ESPN: variants seen among roughly 807,000 people sequenced by gnomAD.
ESPN encodes the protein espin.
In ESPN, 68 loss-of-function variants were observed where a neutral mutation model predicts 77.7. The ratio of observed to expected loss-of-function variants is 0.87; its 90% CI spans 0.72 to 1.07. The LOEUF (loss-of-function observed/expected upper bound fraction) is 1.07, where lower values mean the gene tolerates loss of function less well. Ranked by LOEUF, ESPN falls within the 50% of genes least tolerant of loss-of-function variation. The pLI is 0.00. For synonymous variants in ESPN, 449 were observed against 567.1 expected (o/e 0.79, Z 2.96); for missense variants, 1,060 against 1,239.0 (o/e 0.86, Z 2.17).
Position 6,452,002 on chromosome 1 carries a change from A to G in ESPN, c.2231A>G (p.Asp744Gly), listed in dbSNP as rs746050111. ...LDVEALIPTH[D>G]EQGRPIPEWK... ...GTGGAGGCTCTCATCCCCACGCACG[A>G]TGAGCAGGGCCGGCCCATCCCCGAG... The change falls in exon 10 of 13, where the codon GAT becomes GGT. Residue 744 changes from aspartate to glycine, a missense_variant. Physicochemically the swap from Asp to Gly is moderately conservative, Grantham distance 94. Coordinates refer to ENST00000645284, the MANE Select transcript of ESPN (RefSeq NM_031475.3). The G allele has an allele frequency of 8.7e-6, 14 of 1,605,568 alleles. No homozygotes were observed. The highest frequency in any genetic ancestry group is 1.2e-5 in the Non-Finnish European group (14 of 1,175,886).
rs1483006947 is a variant in ESPN at position 6,428,839 on chromosome 1, CA to C, written c.488+421del. Among the ~76,000 whole-genome samples, 2 of 152,168 alleles carry C rather than the reference CA, an allele frequency of 1.3e-5. No homozygotes were observed. The highest frequency in any genetic ancestry group is 3.9e-4 in the East Asian group (2 of 5,188). Reference sequence around the variant, plus strand: ...GAGCGCCTCCTAGGCCCTAGTCAAACAGGCAGAAAGGGAACCCCATCAGTTA... The same window carrying C: ...GAGCGCCTCCTAGGCCCTAGTCAAACGGCAGAAAGGGAACCCCATCAGTTA... On this transcript the variant is annotated intron_variant, in intron 2 of 12. Transcript: ENST00000645284. This position sits in a 1 kb window ranked among gnomAD's most constrained non-coding sequence, Gnocchi z 5.4.
At chr1:6,445,125 T>G (rs1643782199) in intron 6 of ESPN, among the ~76,000 whole-genome samples, 1 of 152,022 alleles carries the variant, frequency 6.6e-6, no homozygotes, top group South Asian at 2.1e-4. Flanking sequence ...ACACACCATG[T>G]CCACAGAGCA....
chr1:6,449,016 C>T lies in ESPN; in HGVS notation c.1840C>T (p.Pro614Ser). The T allele has an allele frequency of 5.5e-6, 8 of 1,462,666 alleles. No individual in the cohort carries two copies. Among genetic ancestry groups the T allele is most frequent in the Non-Finnish European group, 7.2e-6 (8 of 1,113,764 alleles). The allele number at this position is 1,462,666 out of a possible 1,614,324, so 90.6% of individuals were successfully genotyped here. Reference sequence around the variant, plus strand: ...CCTGCCGGAGGCCGCGAGTTCGCCACCGCCGGCCCCGCCTCTGCCCCTCGA... The same window carrying T: ...CCTGCCGGAGGCCGCGAGTTCGCCATCGCCGGCCCCGCCTCTGCCCCTCGA... ...PPLPEAASSP[P>S]PAPPLPLESA... Residue 614 changes from proline to serine, a missense_variant, in exon 8 of 13, where the codon CCG becomes TCG. Pro to Ser is a moderately conservative substitution (Grantham distance 74). Coordinates refer to ENST00000645284, the MANE Select transcript of ESPN (RefSeq NM_031475.3).
intron 10 of ESPN, chr1:6,455,292 T>G: frequency 2.6e-6 from 1 of 387,502 alleles, no homozygotes; most frequent in Non-Finnish European, 4.6e-6. Context: ...CGTTTACCTC[T>G]TCCTGGAGCA....
intron 12 of ESPN, among the ~76,000 whole-genome samples, chr1:6,459,583 C>T (rs1010437222): frequency 6.6e-6 from 1 of 152,220 alleles, no homozygotes; most frequent in East Asian, 1.9e-4. Flanking sequence ...CTCAGTCCCT[C>T]TCTCAATTAT....
chr1:6,425,359 C>A, intron 1 of ESPN, 110 bp downstream of exon 1: 1 of 1,323,740 alleles, frequency 7.6e-7, no homozygotes, highest in Non-Finnish European at 1.0e-6. Context: ...CCTCCTGGCC[C>A]AGCTGAACCC....
At chr1:6,430,525 C>T (rs1223285412) in intron 2 of ESPN, among the ~76,000 whole-genome samples, 1 of 152,228 alleles carries the variant, frequency 6.6e-6, no homozygotes, top group East Asian at 1.9e-4. Context: ...GCCAAGTCTT[C>T]CCAGAAGCAG....
intron 2 of ESPN, among the ~76,000 whole-genome samples, chr1:6,429,525 C>T (rs1377528570): frequency 3.9e-5 from 6 of 152,104 alleles, no homozygotes; most frequent in African/African-American, 7.2e-5. Context: ...ACCCTCACGG[C>T]GGTGATTCTG....
At chr1:6,429,549 A>C (rs1643164912) in intron 2 of ESPN, among the ~76,000 whole-genome samples, 1 of 151,846 alleles carries the variant, frequency 6.6e-6, no homozygotes, top group Admixed American at 6.6e-5. Context: ...CACCTGTCCC[A>C]CCCCCTCACT....
Position 6,440,566 on chromosome 1 carries a change from C to CG in ESPN, c.676-57dup, listed in dbSNP as rs371548369. 820,467 of 829,326 alleles carry CG rather than the reference C, an allele frequency of 0.99. 406,089 individuals are homozygous for CG. Among genetic ancestry groups the CG allele is most frequent in the East Asian group, 1 (26,777 of 26,784 alleles). 51.4% of individuals were successfully genotyped at this position (829,326 alleles called of 1,614,324 possible). ...GGGCGGGCCACGGAGGTACAGGGGG[C>CG]GGGCCTACAGGGGCCTGGCGCCCAG... On this transcript the variant is annotated intron_variant, in intron 3 of 12. Coordinates refer to ENST00000645284, the MANE Select transcript of ESPN (RefSeq NM_031475.3).
intron 5 of ESPN, among the ~76,000 whole-genome samples, chr1:6,444,261 A>G (rs1319377534): frequency 5.3e-5 from 8 of 151,972 alleles, no homozygotes; most frequent in Admixed American, 3.9e-4. Context: ...CAGGGGAGGG[A>G]GTTTCCCAGG....
Position 6,460,347 on chromosome 1 carries a change from G to C in ESPN, c.*201G>C. On this transcript the variant is annotated 3_prime_UTR_variant, in exon 13 of 13. Coordinates refer to ENST00000645284, the MANE Select transcript of ESPN (RefSeq NM_031475.3). The stretch of plus-strand genomic sequence containing the variant: ...GTGCACACGCCGCCACGGTTGCCCA[G>C]AAAAAGTGCCCAAGCTGCTGACGCA... The C allele has an allele frequency of 1.6e-6, 1 of 632,448 alleles. No homozygotes were observed. The allele number at this position is 632,448 out of a possible 1,614,324, so 39.2% of individuals were successfully genotyped here.
At position 6,460,188 on chromosome 1, in the gene ESPN, C is replaced by G. The variant is rs964510104; in HGVS notation, c.*42C>G. The G allele has an allele frequency of 6.3e-7, 1 of 1,595,714 alleles. No individual in the cohort carries two copies. The highest frequency in any genetic ancestry group is 8.6e-7 in the Non-Finnish European group (1 of 1,168,678). ...TCCGCAGCCTCGCAGCTCCGTGGGG[C>G]CCTCCGCCCCAGCCCCAGCCAGCCA... is the stretch of plus-strand genomic sequence containing the variant. On this transcript the variant is annotated 3_prime_UTR_variant, in exon 13 of 13. Coordinates refer to ENST00000645284, the MANE Select transcript of ESPN (RefSeq NM_031475.3).
At chr1:6,445,465 C>G in intron 6 of ESPN, 199 bp from the exon 7 acceptor site, 1 of 663,244 alleles carries the variant, frequency 1.5e-6, no homozygotes, top group Non-Finnish European at 2.7e-6. Flanking sequence ...GGTCTTCCCC[C>G]AGTAAGTGCT....
intron 2 of ESPN, among the ~76,000 whole-genome samples, chr1:6,431,342 C>T (rs567391678): frequency 6.6e-6 from 1 of 152,350 alleles, no homozygotes; most frequent in Non-Finnish European, 1.5e-5. Flanking sequence ...GGTACGGTGG[C>T]TCATGCCTGT....
At chr1:6,425,286 CCT>C in intron 1 of ESPN, 37 bp downstream of exon 1, 4 of 1,558,722 alleles carry the variant, frequency 2.6e-6, no homozygotes, top group Non-Finnish European at 3.4e-6. Flanking sequence ...ACTGAGGCTT[CCT>C]CCTCAGGACA....
chr1:6,457,370 G>A lies in ESPN; in HGVS notation c.2415G>A (p.Lys805=), dbSNP rs1437484046. 1.2e-6 allele frequency: 2 copies of A among 1,614,232 alleles called. No individual in the cohort carries two copies. The highest frequency in any genetic ancestry group is 1.1e-5 in the South Asian group (1 of 91,088). ...CTCTTTTTCCTTCCAGGGAGCAGAA[G>A]CGGTGAGTGCAGGGCTGGCCCCAAC... is the stretch of plus-strand genomic sequence containing the variant. ...RKKLEEEREQ[K]RKEEERQKQE... Residue 805 remains lysine (K), a splice_region_variant and synonymous_variant, in exon 12 of 13, where the codon AAG becomes AAA. Coordinates refer to ENST00000645284, the MANE Select transcript of ESPN (RefSeq NM_031475.3).
chr1:6,425,153 C>T lies in ESPN; in HGVS notation c.198C>T (p.Arg66=). ...AAGCCGCCCTCCCCGCCGCGGCCCG[C>T]GCCCGCAACGGCGCCACACCGGCCC... The part of the protein sequence containing the change: ...VEEAALPAAA[R]ARNGATPAHD... Residue 66 remains arginine (R), a synonymous_variant, in exon 1 of 13, where the codon CGC becomes CGT. Coordinates refer to ENST00000645284, the MANE Select transcript of ESPN (RefSeq NM_031475.3). 3 of 1,514,284 alleles carry T rather than the reference C, an allele frequency of 2.0e-6. No homozygotes were observed. The highest frequency in any genetic ancestry group is 2.6e-6 in the Non-Finnish European group (3 of 1,139,218). 93.8% of individuals were successfully genotyped at this position (1,514,284 alleles called of 1,614,324 possible). A position where few individuals can be genotyped will look rare whatever the true frequency, so the allele number is the denominator to read the frequency against.
chr1:6,446,949 C>T (rs1361604845), intron 7 of ESPN: 1 of 152,314 alleles, frequency 6.6e-6, no homozygotes, highest in African/African-American at 2.4e-5. Context: ...CTTCATGCCA[C>T]CTTAGACCAA....
Sources: allele counts gnomAD v4.1 joint callset (sites outside exome capture counted in the v4.1 genomes callset), GRCh38; gene constraint gnomAD v4.1.1; non-coding constraint Gnocchi (gnomAD v3.1); transcripts MANE v1.5; gene names NCBI Gene and HGNC (gene_info 2026-07-23, HGNC 2026-07-21).